The following SEC23B variants were observed in gnomAD, a reference collection of about 807,000 sequenced individuals.
SEC23B encodes protein transport protein Sec23B.
In SEC23B, 77 loss-of-function variants were observed where a neutral mutation model predicts 104.3. The ratio of observed to expected loss-of-function variants is 0.74; its 90% CI spans 0.61 to 0.89. The LOEUF (loss-of-function observed/expected upper bound fraction) is 0.89, where lower values mean the gene tolerates loss of function less well. Among genes scored for constraint, SEC23B ranks in the 40% least tolerant of loss-of-function variants. SEC23B has a pLI of 0.00. For missense variants in SEC23B, 885 were observed against 949.4 expected, an observed-to-expected ratio of 0.93 and a Z score of 0.89; for synonymous variants, 338 against 332.5, an observed-to-expected ratio of 1.02 and a Z score of -0.18.
chr20:18,515,577 A>T (rs1203717401), intron 3 of SEC23B, 73 bp from the exon 4 acceptor site: 2 of 906,034 alleles, frequency 2.2e-6, no homozygotes, highest in East Asian at 4.9e-5. Flanking sequence ...CATCATTATC[A>T]TTTTTACACA....
At chr20:18,557,841 C>T (rs2060455017) in intron 19 of SEC23B, among the ~76,000 whole-genome samples, 1 of 150,426 alleles carries the variant, frequency 6.6e-6, no homozygotes, top group Non-Finnish European at 1.5e-5. Context: ...CAACCTCCGC[C>T]TCCAGGTTCA....
intron 4 of SEC23B, 90 bp from the exon 5 acceptor site, chr20:18,524,343 A>T (rs1489799545): frequency 3.8e-5 from 34 of 895,790 alleles, no homozygotes; most frequent in Non-Finnish European, 5.7e-5. Context: ...ATAGATGAAG[A>T]CTTACAATTT....
chr20:18,554,956 GTGCAGTAAAACAATTCTAATTAGATTACT>G, intron 18 of SEC23B, 123 bp from the exon 19 acceptor site: 3 of 90,332 alleles, frequency 3.3e-5, no homozygotes, highest in South Asian at 1.2e-4. Context: ...ATAGATTACT[GTGCAGTAAAACAATTCTAATTAGATTACT>G]GTGCAGTAAA....
At chr20:18,525,146 C>G in intron 6 of SEC23B, 126 bp downstream of exon 6, 1 of 949,884 alleles carries the variant, frequency 1.1e-6, no homozygotes, top group Non-Finnish European at 1.7e-6. Context: ...AATGATTAAG[C>G]CTAATCAATA....
chr20:18,519,073 G>A (rs1376820113), intron 4 of SEC23B, among the ~76,000 whole-genome samples: 1 of 152,192 alleles, frequency 6.6e-6, no homozygotes, highest in Non-Finnish European at 1.5e-5. Flanking sequence ...GATAGATGTG[G>A]AAGATACTAT....
intron 14 of SEC23B, among the ~76,000 whole-genome samples, 191 bp downstream of exon 14, chr20:18,543,363 G>A (rs2060306278): frequency 6.6e-6 from 1 of 152,156 alleles, no homozygotes; most frequent in South Asian, 2.1e-4. Flanking sequence ...TTACATTATA[G>A]TTGGGAAGAA....
intron 12 of SEC23B, among the ~76,000 whole-genome samples, chr20:18,538,224 G>C (rs1354634970): frequency 3.3e-5 from 5 of 150,440 alleles, no homozygotes; most frequent in Non-Finnish European, 7.4e-5. Flanking sequence ...ACAGGTGTGA[G>C]CTACCACGCC....
At chr20:18,510,671 CAGG>C (rs2059973252) in intron 1 of SEC23B, among the ~76,000 whole-genome samples, 148 bp from the exon 2 acceptor site, 1 of 152,134 alleles carries the variant, frequency 6.6e-6, no homozygotes. Flanking sequence ...GAGGCTGTGG[CAGG>C]AGAATCGCTT....
At chr20:18,530,361 C>T (rs570999040) in intron 9 of SEC23B, among the ~76,000 whole-genome samples, 3 of 152,054 alleles carry the variant, frequency 2.0e-5, no homozygotes, top group South Asian at 4.1e-4. Context: ...AAGTGATTCT[C>T]CTGCCTCAGC....
Position 18,560,918 on chromosome 20 carries a change from C to T in SEC23B, c.*178C>T, listed in dbSNP as rs2060486772. On this transcript the variant is annotated 3_prime_UTR_variant, in exon 20 of 20. Coordinates refer to ENST00000650089, the MANE Select transcript of SEC23B (RefSeq NM_006363.6). ...TCCTGTCTTTGTCCTTTTTCTTGCA[C>T]TATAAAATTATAAGGTCATAAATGT... 1 of 618,272 alleles carries T rather than the reference C, an allele frequency of 1.6e-6. No homozygotes were observed. Among genetic ancestry groups the T allele is most frequent in the South Asian group, 1.9e-5 (1 of 53,356 alleles). The allele number at this position is 618,272 out of a possible 1,614,324, so 38.3% of individuals were successfully genotyped here. A position where few individuals can be genotyped will look rare whatever the true frequency, so the allele number is the denominator to read the frequency against.
At chr20:18,548,421 A>G (rs1443058757) in intron 15 of SEC23B, among the ~76,000 whole-genome samples, 188 bp from the exon 16 acceptor site, 1 of 152,200 alleles carries the variant, frequency 6.6e-6, no homozygotes, top group Non-Finnish European at 1.5e-5. Context: ...CTCTGTGCTC[A>G]TTAAGCAACA....
Position 18,515,669 on chromosome 20 carries a change from G to T in SEC23B, c.299G>T (p.Gly100Val). ...QRNQFPPAYGGISEVNQPAEL... is the reference protein window; with the variant it reads ...QRNQFPPAYGVISEVNQPAEL... ...TTTCAGTTTCCTCCAGCTTATGGAG[G>T]CATATCTGAGGTGAATCAACCTGCC... is the stretch of plus-strand genomic sequence containing the variant. The change falls in exon 4 of 20, where the codon GGC (glycine) becomes GTC (valine). Residue 100 changes from glycine (G) to valine (V), a missense_variant. Physicochemically the swap from Gly to Val is moderately radical, Grantham distance 109. Coordinates refer to ENST00000650089, the MANE Select transcript of SEC23B (RefSeq NM_006363.6). 1 of 1,608,552 alleles carries T rather than the reference G, an allele frequency of 6.2e-7. No homozygotes were observed. The highest frequency in any genetic ancestry group is 8.5e-7 in the Non-Finnish European group (1 of 1,174,896).
chr20:18,555,809 A>T (rs2060432352), intron 19 of SEC23B, among the ~76,000 whole-genome samples: 1 of 152,150 alleles, frequency 6.6e-6, no homozygotes, highest in South Asian at 2.1e-4. Flanking sequence ...CAACCGGGAT[A>T]TTGAGATTTT....
At chr20:18,512,340 A>T in intron 3 of SEC23B, 58 bp downstream of exon 3, 1 of 1,138,910 alleles carries the variant, frequency 8.8e-7, no homozygotes, top group Non-Finnish European at 1.3e-6. Flanking sequence ...ATTATGAAAA[A>T]AATTAAGTTA....
Position 18,527,485 on chromosome 20 carries a change from T to C in SEC23B, c.994-11T>C. 1 of 1,500,088 alleles carries C rather than the reference T, an allele frequency of 6.7e-7. No homozygotes were observed. The highest frequency in any genetic ancestry group is 1.1e-5 in the South Asian group (1 of 88,776). The allele number at this position is 1,500,088 out of a possible 1,614,324, so 92.9% of individuals were successfully genotyped here. ...CACTGTTTCCTAAAGATAGCTTTCCTCTCTTCACAGCACTATGAGATGCTT... is the reference window on the plus strand; with the variant it reads ...CACTGTTTCCTAAAGATAGCTTTCCCCTCTTCACAGCACTATGAGATGCTT... On this transcript the variant is annotated splice_polypyrimidine_tract_variant and intron_variant, in intron 8 of 19. Coordinates refer to ENST00000650089, the MANE Select transcript of SEC23B (RefSeq NM_006363.6).
rs2060168446 is a variant in SEC23B, at chr20:18,529,893, TG to T, written c.1110-786del. On this transcript the variant is annotated intron_variant, in intron 9 of 19. Coordinates refer to ENST00000650089, the MANE Select transcript of SEC23B (RefSeq NM_006363.6). ...TTCAAGATTCTGAGATCTTGTTTTATGAATGACGTTTGGAGGCATAACTTGC... is the reference window on the plus strand; with the variant it reads ...TTCAAGATTCTGAGATCTTGTTTTATAATGACGTTTGGAGGCATAACTTGC... 3.3e-5 allele frequency among the ~76,000 whole-genome samples: 5 copies of T among 152,378 alleles called. No homozygotes were observed. The South Asian group carries it at 1.0e-3, about 32-fold the overall frequency.
Position 18,533,541 on chromosome 20 carries a change from A to C in SEC23B, c.1314+797A>C, listed in dbSNP as rs1352206083. Among the ~76,000 whole-genome samples the C allele has an allele frequency of 3.3e-5, 5 of 152,228 alleles. No homozygotes were observed. The East Asian group carries it at 9.6e-4, about 29-fold the overall frequency. On this transcript the variant is annotated intron_variant, in intron 11 of 19. Transcript: ENST00000650089. ...CCTTATCTGGCAAATGGGGATAATA[A>C]CAGTGCCCACTCTACAGCATTGTTA... is the stretch of plus-strand genomic sequence containing the variant.
chr20:18,560,016 AAAT>A (rs1365465248), intron 19 of SEC23B, among the ~76,000 whole-genome samples: 2 of 152,092 alleles, frequency 1.3e-5, no homozygotes, highest in Non-Finnish European at 2.9e-5. Context: ...ATGTTTTAAA[AAAT>A]AAGAAAATTT....
intron 4 of SEC23B, among the ~76,000 whole-genome samples, chr20:18,517,673 C>T (rs757937661): frequency 1.3e-5 from 2 of 152,018 alleles, no homozygotes; most frequent in East Asian, 1.9e-4. Flanking sequence ...CTGCTTCTAG[C>T]GGGATTAGGG....
Sources: gnomAD v4.1 joint callset for allele counts (sites outside exome capture counted in the v4.1 genomes callset) on GRCh38, gnomAD v4.1.1 for gene constraint, MANE v1.5 for transcripts, NCBI Gene and HGNC (gene_info 2026-07-23, HGNC 2026-07-21) for gene names.